DIS3L2: variants seen among roughly 807,000 people sequenced by gnomAD.
DIS3L2 encodes DIS3-like exonuclease 2.
A neutral mutation model predicts 97.5 loss-of-function variants in DIS3L2; 34 were observed. The observed-to-expected ratio is 0.35, with a 90% confidence interval of 0.27 to 0.46. DIS3L2 has a LOEUF of 0.46. Among genes scored for constraint, DIS3L2 ranks in the 20% least tolerant of loss-of-function variants. The pLI, the probability that DIS3L2 is intolerant of heterozygous loss-of-function variation, is 1.00. For missense variants in DIS3L2, 1,038 were observed against 1,146.0 expected, an observed-to-expected ratio of 0.91 and a Z score of 1.36; for synonymous variants, 435 against 445.2, an observed-to-expected ratio of 0.98 and a Z score of 0.29.
chr2:232,022,965 A>G (rs901890108), intron 3 of DIS3L2: 2 of 152,218 alleles, frequency 1.3e-5, no homozygotes, highest in African/African-American at 2.4e-5. Flanking sequence ...AGGCAGAGTT[A>G]TCGCACAATG....
intron 1 of DIS3L2, among the ~76,000 whole-genome samples, chr2:232,007,565 C>T (rs1201190510): frequency 6.6e-6 from 1 of 152,036 alleles, no homozygotes; most frequent in Non-Finnish European, 1.5e-5. Flanking sequence ...TTGTGAACTC[C>T]TGGCCTCAAG....
chr2:232,277,696 CT>C (rs1490736913), intron 13 of DIS3L2, among the ~76,000 whole-genome samples: 5 of 152,152 alleles, frequency 3.3e-5, no homozygotes, highest in African/African-American at 1.2e-4. Flanking sequence ...TCACACATTG[CT>C]TAATGACAGG....
At chr2:232,121,874 A>G (rs1471095141) in intron 6 of DIS3L2, among the ~76,000 whole-genome samples, 1 of 152,132 alleles carries the variant, frequency 6.6e-6, no homozygotes, top group East Asian at 1.9e-4. Context: ...TCTAAATATT[A>G]TAATTTTGCC....
intron 11 of DIS3L2, among the ~76,000 whole-genome samples, chr2:232,244,147 C>T (rs882098): frequency 0.19 from 29,592 of 152,066 alleles, 5,360 homozygotes; most frequent in African/African-American, 0.45. Context: ...AGAGACATAT[C>T]CACACTTGAA....
At chr2:232,046,599 G>C (rs187112450) in intron 5 of DIS3L2, among the ~76,000 whole-genome samples, 1 of 152,110 alleles carries the variant, frequency 6.6e-6, no homozygotes. Flanking sequence ...TAATTATAAC[G>C]AATTCTTTGT....
intron 5 of DIS3L2, among the ~76,000 whole-genome samples, chr2:232,072,203 A>G (rs924697216): frequency 2.6e-5 from 4 of 152,198 alleles, no homozygotes; most frequent in African/African-American, 9.6e-5. Context: ...GCACTGGGAA[A>G]GATATAATAA....
chr2:232,277,284 T>C (rs1035713797), intron 13 of DIS3L2, among the ~76,000 whole-genome samples: 2 of 152,198 alleles, frequency 1.3e-5, no homozygotes, highest in Admixed American at 1.3e-4. Context: ...CACGCAAATG[T>C]GAGCTGCAAA....
intron 13 of DIS3L2, among the ~76,000 whole-genome samples, chr2:232,280,194 G>C (rs1349634934): frequency 6.6e-6 from 1 of 152,162 alleles, no homozygotes; most frequent in African/African-American, 2.4e-5. Flanking sequence ...AGTTGCACCT[G>C]AGAAGATTTG....
intron 1 of DIS3L2, 132 bp from the exon 2 acceptor site, chr2:232,014,703 C>T: frequency 2.2e-6 from 1 of 459,528 alleles, no homozygotes; most frequent in Non-Finnish European, 3.8e-6. Context: ...GACTAACTGC[C>T]CCAGAGAATG....
At chr2:232,333,714 CA>C (rs1219790013) in intron 16 of DIS3L2, 125 bp from the exon 17 acceptor site, 1 of 1,381,800 alleles carries the variant, frequency 7.2e-7, no homozygotes, top group African/African-American at 1.5e-5. Context: ...CGTCACTCAG[CA>C]ACCAGCAGCC....
chr2:232,080,518 A>G (rs941077075), intron 5 of DIS3L2, among the ~76,000 whole-genome samples: 1 of 152,204 alleles, frequency 6.6e-6, no homozygotes, highest in African/African-American at 2.4e-5. Flanking sequence ...AAAAACAGTC[A>G]TAACGAATTA....
At chr2:232,075,186 C>T (rs577787579) in intron 5 of DIS3L2, among the ~76,000 whole-genome samples, 1 of 152,274 alleles carries the variant, frequency 6.6e-6, no homozygotes, top group Admixed American at 6.5e-5. Context: ...AGGCACATTA[C>T]AACTCTGCCA....
intron 3 of DIS3L2, among the ~76,000 whole-genome samples, chr2:232,018,854 G>A (rs1206913696): frequency 1.3e-5 from 2 of 151,980 alleles, no homozygotes; most frequent in Non-Finnish European, 2.9e-5. Flanking sequence ...AGTAACACAT[G>A]GTCATGTACA....
chr2:232,329,776 C>T lies in DIS3L2; in HGVS notation c.1740-37C>T. The T allele has an allele frequency of 3.2e-6, 4 of 1,261,820 alleles. No individual in the cohort carries two copies. The South Asian group carries it at 4.7e-5, about 15-fold the overall frequency. The allele number at this position is 1,261,820 out of a possible 1,614,324, so 78.2% of individuals were successfully genotyped here. A position where few individuals can be genotyped will look rare whatever the true frequency, so the allele number is the denominator to read the frequency against. The stretch of plus-strand genomic sequence containing the variant: ...GAAAGCCTGCGCACCTGTCCCCAAA[C>T]CCCAGCGGTCCCTCCCATCCCACCC... On this transcript the variant is annotated intron_variant, in intron 14 of 20. Transcript: ENST00000325385.
chr2:232,087,561 A>G lies in DIS3L2; in HGVS notation c.441A>G (p.Gly147=), dbSNP rs1696700439. ...CAGATATCCCCGAGGAGCTCTGTGG[A>G]CACCATCTCCCGCAACAGTCCCTGA... ...YESDIPEELC[G]HHLPQQSLKS... is the part of the protein sequence containing the mutation. The change falls in exon 6 of 21, where the codon GGA becomes GGG. Residue 147 remains glycine (G), a synonymous_variant. Transcript: ENST00000325385. The G allele has an allele frequency of 1.9e-6, 3 of 1,614,014 alleles. No homozygotes were observed. The highest frequency in any genetic ancestry group is 2.5e-6 in the Non-Finnish European group (3 of 1,180,004).
chr2:232,060,173 T>C (rs1048909328), intron 5 of DIS3L2, among the ~76,000 whole-genome samples: 2 of 152,264 alleles, frequency 1.3e-5, no homozygotes, highest in Middle Eastern at 3.4e-3. Flanking sequence ...TGGGTTTTTT[T>C]CCATTTTGTG....
chr2:232,088,312 C>T (rs796481098), intron 6 of DIS3L2, among the ~76,000 whole-genome samples: 22 of 147,538 alleles, frequency 1.5e-4, no homozygotes, highest in African/African-American at 5.5e-4. Flanking sequence ...TTTGGGAGGC[C>T]GAGGTGGGCG....
chr2:231,975,424 C>T (rs1046615963), intron 1 of DIS3L2, among the ~76,000 whole-genome samples: 5 of 151,752 alleles, frequency 3.3e-5, no homozygotes, highest in East Asian at 3.9e-4. Flanking sequence ...AGGGATGGGC[C>T]GGGCACCATG....
intron 6 of DIS3L2, 63 bp downstream of exon 6, chr2:232,087,784 T>C (rs1696709493): frequency 7.7e-7 from 1 of 1,291,078 alleles, no homozygotes; most frequent in African/African-American, 1.5e-5. Context: ...TGGAATTCCC[T>C]CTCTGCTGCA....
Sources: allele counts gnomAD v4.1 joint callset (sites outside exome capture counted in the v4.1 genomes callset), GRCh38; gene constraint gnomAD v4.1.1; transcripts MANE v1.5; gene names NCBI Gene and HGNC (gene_info 2026-07-23, HGNC 2026-07-21).